Variants in PTPRD observed in about 807,000 individuals in gnomAD.
PTPRD encodes the protein receptor-type tyrosine-protein phosphatase delta.
A neutral mutation model predicts 214.5 loss-of-function variants in PTPRD; 34 were observed. The observed-to-expected ratio is 0.16, with a 90% confidence interval of 0.12 to 0.21. The LOEUF is 0.21. Among genes scored for constraint, PTPRD ranks in the 10% least tolerant of loss-of-function variants. The pLI is 1.00. For synonymous variants in PTPRD, 1,128 were observed against 845.7 expected, an observed-to-expected ratio of 1.33 and a Z score of -5.79; for missense variants, 2,545 against 2,398.7, an observed-to-expected ratio of 1.06 and a Z score of -1.27.
At chr9:9,656,405 G>A (rs996137196) in intron 7 of PTPRD, among the ~76,000 whole-genome samples, 2 of 152,016 alleles carry the variant, frequency 1.3e-5, no homozygotes, top group Non-Finnish European at 2.9e-5. Context: ...GATACATCCA[G>A]ACAATAGAAT....
At chr9:10,054,053 C>A (rs2097579893) in intron 3 of PTPRD, among the ~76,000 whole-genome samples, 1 of 152,100 alleles carries the variant, frequency 6.6e-6, no homozygotes, top group Non-Finnish European at 1.5e-5. Flanking sequence ...GCCACCACAC[C>A]CTGCGACTTT....
chr9:9,830,594 C>G (rs1394925306), intron 5 of PTPRD, among the ~76,000 whole-genome samples: 1 of 151,898 alleles, frequency 6.6e-6, no homozygotes, highest in African/African-American at 2.4e-5. Flanking sequence ...ACAAAGGGAA[C>G]AGAGCTTCCT....
intron 12 of PTPRD, among the ~76,000 whole-genome samples, chr9:8,705,629 G>A (rs2098190043): frequency 6.6e-6 from 1 of 152,118 alleles, no homozygotes; most frequent in Non-Finnish European, 1.5e-5. Flanking sequence ...TGCTTCTTAA[G>A]TTAGACAGCA....
intron 3 of PTPRD, among the ~76,000 whole-genome samples, chr9:10,108,299 A>C (rs895954575): frequency 6.6e-6 from 1 of 152,234 alleles, no homozygotes; most frequent in East Asian, 1.9e-4. Context: ...TAACTTCACA[A>C]ACGTATTTTT....
intron 10 of PTPRD, among the ~76,000 whole-genome samples, chr9:9,125,930 A>C (rs747189629): frequency 6.6e-6 from 1 of 152,200 alleles, no homozygotes; most frequent in Non-Finnish European, 1.5e-5. Flanking sequence ...AGCCAAGTGA[A>C]CAGCAAGGGG....
intron 3 of PTPRD, among the ~76,000 whole-genome samples, chr9:10,172,553 G>C (rs114119144): frequency 0.053 from 8,076 of 152,208 alleles, 296 homozygotes; most frequent in Admixed American, 0.1. Flanking sequence ...ATCATGCCTT[G>C]TTGGGACCTG....
At chr9:9,280,682 A>G (rs1275164540) in intron 9 of PTPRD, among the ~76,000 whole-genome samples, 1 of 151,388 alleles carries the variant, frequency 6.6e-6, no homozygotes, top group African/African-American at 2.4e-5. Flanking sequence ...AAGACTCATT[A>G]ATGTCAGGAT....
intron 3 of PTPRD, among the ~76,000 whole-genome samples, chr9:10,284,227 A>C (rs2095262114): frequency 6.6e-6 from 1 of 152,214 alleles, no homozygotes; most frequent in Non-Finnish European, 1.5e-5. Context: ...TCAAAATAAA[A>C]ACATTAAAAA....
rs564062560 is a variant in PTPRD, at chr9:9,533,848, G to C, written c.-237+40884C>G. 1.2e-4 allele frequency among the ~76,000 whole-genome samples: 18 copies of C among 152,060 alleles called. 1 individual carries two copies. The South Asian group carries it at 1.2e-3, about 10-fold the overall frequency. ...AGAAGGAAGAAGGCAAACAAATTCAGAGTATTTTTCTTACTGTATGTTGAA... is the reference window on the plus strand; with the variant it reads ...AGAAGGAAGAAGGCAAACAAATTCACAGTATTTTTCTTACTGTATGTTGAA... On this transcript the variant is annotated intron_variant, in intron 8 of 45. Coordinates refer to ENST00000381196, the MANE Select transcript of PTPRD (RefSeq NM_002839.4).
At chr9:8,594,832 T>A (rs2094379159) in intron 14 of PTPRD, among the ~76,000 whole-genome samples, 1 of 151,446 alleles carries the variant, frequency 6.6e-6, no homozygotes, top group Admixed American at 6.6e-5. Flanking sequence ...TATAGCAGTA[T>A]GAGAATGAAA....
At chr9:10,287,202 G>T (rs546589269) in intron 3 of PTPRD, among the ~76,000 whole-genome samples, 8 of 152,252 alleles carry the variant, frequency 5.3e-5, no homozygotes, top group Middle Eastern at 3.4e-3. Flanking sequence ...AATTGACAAG[G>T]GTAGCGTCAC....
In PTPRD at chr9:10,420,244, A is replaced by G. The variant is rs542722223; in HGVS notation, c.-599-79227T>C. Among the ~76,000 whole-genome samples, 9 of 152,040 alleles carry G rather than the reference A, an allele frequency of 5.9e-5. No individual in the cohort carries two copies. The South Asian group carries it at 1.0e-3, about 17-fold the overall frequency. ...ATAATAATTTCTATCAGGAATTAAC[A>G]TTGAGTTTACTCTGAGAATTTATTC... is the stretch of plus-strand genomic sequence containing the variant. On this transcript the variant is annotated intron_variant, in intron 2 of 45. Transcript: ENST00000381196.
rs539591027 is a variant in PTPRD, at chr9:9,026,342, G to C, written c.-142-7607C>G. On this transcript the variant is annotated intron_variant, in intron 10 of 45. Transcript: ENST00000381196. ...CTGGTTTAAGACAGGTAAGAGAGGA[G>C]GTGTAGGCCAGATGTTAGATTATGT... Among the ~76,000 whole-genome samples the C allele has an allele frequency of 9.2e-5, 14 of 152,070 alleles. No homozygotes were observed. The South Asian group carries it at 2.9e-3, about 32-fold the overall frequency.
chr9:8,321,483 G>GTA lies in PTPRD; in HGVS notation c.5535-1518_5535-1517insTA, dbSNP rs1283435570. On this transcript the variant is annotated intron_variant, in intron 44 of 45. Coordinates refer to ENST00000381196, the MANE Select transcript of PTPRD (RefSeq NM_002839.4). The stretch of plus-strand genomic sequence containing the variant: ...TCTTTGTGTGTGTGTGTGTGTGTGT[G>GTA]TGTGTATATATATATATATATATAT... Among the ~76,000 whole-genome samples the GTA allele has an allele frequency of 2.7e-4, 13 of 48,760 alleles. No individual in the cohort carries two copies. In the East Asian group the frequency reaches 3.6e-3, roughly 13 times the overall value. The allele number at this position is 48,760 out of a possible 152,430, so 32.0% of individuals were successfully genotyped here. A position where few individuals can be genotyped will look rare whatever the true frequency, so the allele number is the denominator to read the frequency against.
At chr9:9,231,669 A>G (rs949751019) in intron 9 of PTPRD, among the ~76,000 whole-genome samples, 2 of 152,092 alleles carry the variant, frequency 1.3e-5, no homozygotes, top group Admixed American at 1.3e-4. Context: ...TGTAATCTCT[A>G]TTAAGTATAT....
intron 12 of PTPRD, among the ~76,000 whole-genome samples, chr9:8,722,372 T>G (rs1456915040): frequency 1.3e-5 from 2 of 152,200 alleles, no homozygotes; most frequent in East Asian, 3.8e-4. Flanking sequence ...ATCTGGTTAC[T>G]AACACCATGT....
intron 2 of PTPRD, among the ~76,000 whole-genome samples, chr9:10,505,618 G>C (rs954946165): frequency 1.3e-5 from 2 of 151,834 alleles, no homozygotes; most frequent in African/African-American, 4.8e-5. Context: ...GCATACCATG[G>C]GTTAAAGCAA....
intron 11 of PTPRD, among the ~76,000 whole-genome samples, chr9:8,938,786 T>G (rs2099013769): frequency 6.6e-6 from 1 of 152,138 alleles, no homozygotes; most frequent in Non-Finnish European, 1.5e-5. Flanking sequence ...TGGACACATT[T>G]TCTACAAAGC....
chr9:8,323,207 A>T (rs955397746), intron 44 of PTPRD, among the ~76,000 whole-genome samples: 3 of 152,160 alleles, frequency 2.0e-5, no homozygotes, highest in Admixed American at 6.5e-5. Context: ...TTTTCAAGAT[A>T]ATACTGCTCA....
Sources: gnomAD v4.1 joint callset for allele counts (sites outside exome capture counted in the v4.1 genomes callset) on GRCh38, gnomAD v4.1.1 for gene constraint, MANE v1.5 for transcripts, NCBI Gene and HGNC (gene_info 2026-07-23, HGNC 2026-07-21) for gene names.